The following DTNB variants were observed in gnomAD, a reference collection of about 807,000 sequenced individuals.
The protein encoded by DTNB is DTN-B.
In DTNB, 63 loss-of-function variants were observed where a neutral mutation model predicts 90.7. That is an observed-to-expected ratio of 0.69 (90% CI 0.57 to 0.86). DTNB has a LOEUF of 0.86. Among genes scored for constraint, DTNB ranks in the 40% least tolerant of loss-of-function variants. The pLI, the probability that DTNB is intolerant of heterozygous loss-of-function variation, is 0.00. For synonymous variants in DTNB, 277 were observed against 286.7 expected, an observed-to-expected ratio of 0.97 and a Z score of 0.34; for missense variants, 744 against 807.1, an observed-to-expected ratio of 0.92 and a Z score of 0.95.
chr2:25,461,928 T>G (rs753281749), intron 10 of DTNB, among the ~76,000 whole-genome samples: 2 of 152,182 alleles, frequency 1.3e-5, no homozygotes, highest in Non-Finnish European at 2.9e-5. Context: ...GACAATAAGA[T>G]GAACACTCCG....
intron 3 of DTNB, among the ~76,000 whole-genome samples, chr2:25,634,355 G>A (rs1573788371): frequency 2.3e-5 from 3 of 132,006 alleles, no homozygotes; most frequent in Non-Finnish European, 3.3e-5. Flanking sequence ...CCCCCCGCCC[G>A]GCCAGCCGCC....
intron 9 of DTNB, among the ~76,000 whole-genome samples, chr2:25,504,838 T>C (rs1331717762): frequency 6.6e-6 from 1 of 152,174 alleles, no homozygotes; most frequent in East Asian, 1.9e-4. Context: ...ACAAAATACC[T>C]TTTTGCAAAA....
At chr2:25,399,819 T>C (rs549799435) in intron 16 of DTNB, among the ~76,000 whole-genome samples, 4 of 70,680 alleles carry the variant, frequency 5.7e-5, no homozygotes, top group South Asian at 4.1e-4. Context: ...ATATCACTTG[T>C]CTGGGATAAA....
intron 12 of DTNB, among the ~76,000 whole-genome samples, chr2:25,444,030 T>C (rs2057996065): frequency 6.6e-6 from 1 of 152,080 alleles, no homozygotes; most frequent in Non-Finnish European, 1.5e-5. Context: ...AAGTGTGAGG[T>C]AGCATGACAA....
chr2:25,622,092 C>T (rs942539993), intron 4 of DTNB, among the ~76,000 whole-genome samples: 2 of 151,782 alleles, frequency 1.3e-5, no homozygotes, highest in African/African-American at 4.8e-5. Context: ...TCTGAACCAA[C>T]ACTTTTGGTA....
intron 5 of DTNB, among the ~76,000 whole-genome samples, chr2:25,598,397 G>A (rs941154799): frequency 1.2e-4 from 19 of 152,270 alleles, no homozygotes; most frequent in African/African-American, 4.6e-4. Flanking sequence ...CTTCTTTTAT[G>A]TGAGAGAAAA....
At chr2:25,637,229 A>C (rs1173025135) in intron 3 of DTNB, among the ~76,000 whole-genome samples, 4 of 152,230 alleles carry the variant, frequency 2.6e-5, no homozygotes, top group Admixed American at 2.0e-4. Flanking sequence ...AAAGACTTAA[A>C]TGTTAGACCT....
rs1483273332 is a variant in DTNB at position 25,609,667 on chromosome 2, C to T, written c.363-2346G>A. ...TTCCATAATAGAATGTACACACACA[C>T]ACACACACACACACACACACACACA... is the stretch of plus-strand genomic sequence containing the variant. On this transcript the variant is annotated intron_variant, in intron 4 of 20. Coordinates refer to ENST00000406818, the MANE Select transcript of DTNB (RefSeq NM_021907.5). Among the ~76,000 whole-genome samples the T allele has an allele frequency of 5.4e-3, 283 of 52,106 alleles. 4 individuals carry two copies. The highest frequency in any genetic ancestry group is 0.025 in the Middle Eastern group (2 of 80). 34.2% of individuals were successfully genotyped at this position (52,106 alleles called of 152,430 possible).
chr2:25,568,103 AGCCAAGATCAC>A (rs1298908054), intron 8 of DTNB, among the ~76,000 whole-genome samples: 1 of 151,898 alleles, frequency 6.6e-6, no homozygotes, highest in Admixed American at 6.6e-5. Flanking sequence ...GGTTGCAGTG[AGCCAAGATCAC>A]GCCACTGCAC....
intron 3 of DTNB, among the ~76,000 whole-genome samples, chr2:25,637,118 T>C (rs979861447): frequency 9.2e-5 from 14 of 152,194 alleles, no homozygotes; most frequent in Non-Finnish European, 1.8e-4. Context: ...AAGGATTCCC[T>C]ATTTAATAAA....
chr2:25,580,357 C>A (rs1285484709), intron 7 of DTNB, among the ~76,000 whole-genome samples: 1 of 151,804 alleles, frequency 6.6e-6, no homozygotes, highest in African/African-American at 2.4e-5. Flanking sequence ...CCCATCTCTA[C>A]TAAAAAGATA....
At chr2:25,414,627 A>G (rs1219334654) in intron 16 of DTNB, among the ~76,000 whole-genome samples, 1 of 152,148 alleles carries the variant, frequency 6.6e-6, no homozygotes, top group Non-Finnish European at 1.5e-5. Flanking sequence ...CTTGAGCAAA[A>G]TCACTGCTAT....
At chr2:25,450,020 T>C (rs962617743) in intron 12 of DTNB, among the ~76,000 whole-genome samples, 2 of 152,158 alleles carry the variant, frequency 1.3e-5, no homozygotes, top group African/African-American at 2.4e-5. Flanking sequence ...CCTTGAATAG[T>C]ATCTTCTAAT....
intron 1 of DTNB, among the ~76,000 whole-genome samples, chr2:25,656,011 C>T (rs1391789089): frequency 1.3e-5 from 2 of 152,160 alleles, no homozygotes; most frequent in Non-Finnish European, 2.9e-5. Context: ...AAAATCAGTA[C>T]CTGGCTTGAA....
intron 9 of DTNB, 101 bp from the exon 10 acceptor site, chr2:25,482,974 C>T (rs999359914): frequency 1.3e-5 from 16 of 1,213,004 alleles, no homozygotes; most frequent in South Asian, 4.8e-5. Context: ...AATCATCATT[C>T]GCGGTAAGCA....
At chr2:25,557,281 C>T (rs1335120247) in intron 8 of DTNB, among the ~76,000 whole-genome samples, 1 of 152,204 alleles carries the variant, frequency 6.6e-6, no homozygotes, top group Non-Finnish European at 1.5e-5. Flanking sequence ...CCATGTGCTT[C>T]TGTGTATGGT....
intron 16 of DTNB, among the ~76,000 whole-genome samples, chr2:25,411,614 G>C (rs1294111387): frequency 1.3e-5 from 2 of 152,080 alleles, no homozygotes; most frequent in East Asian, 3.8e-4. Flanking sequence ...ATAGCACAGC[G>C]ATCCTCATTT....
At chr2:25,483,357 A>G (rs1574995126) in intron 9 of DTNB, among the ~76,000 whole-genome samples, 1 of 152,152 alleles carries the variant, frequency 6.6e-6, no homozygotes, top group African/African-American at 2.4e-5. Flanking sequence ...GCTGTTCCTG[A>G]GATTTGGTTA....
intron 8 of DTNB, among the ~76,000 whole-genome samples, chr2:25,535,908 C>T (rs1295311796): frequency 2.1e-5 from 3 of 144,158 alleles, no homozygotes; most frequent in Admixed American, 6.9e-5. Flanking sequence ...TCCTCACCTC[C>T]CATTCGGGAC....
Sources: gnomAD v4.1 joint callset for allele counts (sites outside exome capture counted in the v4.1 genomes callset) on GRCh38, gnomAD v4.1.1 for gene constraint, MANE v1.5 for transcripts, NCBI Gene and HGNC (gene_info 2026-07-23, HGNC 2026-07-21) for gene names.